CYP4F11: variants seen among roughly 807,000 people sequenced by gnomAD.
CYP4F11 encodes cytochrome P450 family 4 subfamily F member 11.
In CYP4F11, 79 loss-of-function variants were observed where a neutral mutation model predicts 62.2. The observed-to-expected ratio is 1.27, with a 90% CI of 1.06 to 1.53. The LOEUF is 1.53. CYP4F11 is among the 40% of genes most tolerant of loss of function. The pLI is 0.00. For synonymous variants in CYP4F11, 290 were observed against 263.7 expected, an observed-to-expected ratio of 1.10 and a Z score of -0.97; for missense variants, 777 against 680.5, an observed-to-expected ratio of 1.14 and a Z score of -1.58.
At chr19:15,934,021 T>TGAGC (rs2089754090) in intron 1 of CYP4F11, among the ~76,000 whole-genome samples, 190 bp downstream of exon 1, 1 of 28,276 alleles carries the variant, frequency 3.5e-5, no homozygotes, top group African/African-American at 1.2e-4. Flanking sequence ...AATGAGTGAG[T>TGAGC]GGGCAGAGGA....
intron 1 of CYP4F11, among the ~76,000 whole-genome samples, chr19:15,931,540 G>A (rs1297038058): frequency 1.9e-5 from 2 of 107,476 alleles, no homozygotes; most frequent in Admixed American, 1.8e-4. Flanking sequence ...GAATGAGTGA[G>A]CGGGGAGAGG....
At chr19:15,921,988 A>G (rs1415750499) in intron 8 of CYP4F11, 49 bp downstream of exon 8, 5 of 1,519,062 alleles carry the variant, frequency 3.3e-6, no homozygotes, top group Non-Finnish European at 4.4e-6. Context: ...CCACCTGAGG[A>G]GCAGAACCAA....
intron 11 of CYP4F11, 109 bp from the exon 12 acceptor site, chr19:15,914,018 G>A: frequency 8.1e-6 from 11 of 1,349,804 alleles, no homozygotes; most frequent in Non-Finnish European, 1.1e-5. Context: ...GGCTTGAGGG[G>A]CAGAAAGAGG....
intron 6 of CYP4F11, 43 bp downstream of exon 6, chr19:15,923,769 A>G: frequency 6.3e-7 from 1 of 1,582,826 alleles, no homozygotes; most frequent in East Asian, 2.2e-5. Context: ...AGAGGCATAA[A>G]TCTCCACTCT....
Position 15,929,597 on chromosome 19 carries a change from G to A in CYP4F11, c.203C>T (p.Thr68Ile), listed in dbSNP as rs2145055922. ...NWFWGHQGLVTPTEEGMKTLT... is the reference protein window; with the variant it reads ...NWFWGHQGLVIPTEEGMKTLT... ...TGTCTTCATGCCCTCTTCCGTGGGA[G>A]TGACCTGAAAACAAGGCAGAGGCCG... The change falls in exon 2 of 12, where the codon ACT becomes ATT. Residue 68 changes from threonine (T) to isoleucine (I), a missense_variant. Thr to Ile is a moderately conservative substitution (Grantham distance 89). Transcript: ENST00000402119. 10 of 1,596,732 alleles carry A rather than the reference G, an allele frequency of 6.3e-6. No homozygotes were observed. The East Asian group carries it at 1.6e-4, about 25-fold the overall frequency.
chr19:15,924,349 A>T (rs545804090), intron 5 of CYP4F11, among the ~76,000 whole-genome samples: 1 of 152,226 alleles, frequency 6.6e-6, no homozygotes, highest in African/African-American at 2.4e-5. Context: ...AAAACTGTTC[A>T]CAAAACTCAG....
intron 4 of CYP4F11, among the ~76,000 whole-genome samples, chr19:15,925,777 C>T (rs908206726): frequency 6.2e-5 from 9 of 144,990 alleles, no homozygotes; most frequent in African/African-American, 1.8e-4. Flanking sequence ...TTGTTTGGGC[C>T]GTTTCTCAGA....
At chr19:15,929,944 T>G (rs1568256401) in intron 1 of CYP4F11, among the ~76,000 whole-genome samples, 1 of 152,198 alleles carries the variant, frequency 6.6e-6, no homozygotes, top group Non-Finnish European at 1.5e-5. Flanking sequence ...GGACTCAGAC[T>G]GAATTTACAA....
chr19:15,913,861 C>T lies in CYP4F11; in HGVS notation c.1446G>A (p.Leu482=), dbSNP rs1316117602. 3 of 1,614,112 alleles carry T rather than the reference C, an allele frequency of 1.9e-6. No individual in the cohort carries two copies. Among genetic ancestry groups the T allele is most frequent in the East Asian group, 2.2e-5 (1 of 44,870 alleles). The change falls in exon 12 of 12, where the codon CTG becomes CTA. Residue 482 remains leucine (L), a synonymous_variant. Transcript: ENST00000402119. ...AFAMAEMKVV[L]ALTLLHFRIL... ...TGCGGAAGTGCAGCAGGGTGAGCGC[C>T]AGGACCACCTTCATCTCAGCCATGG...
At chr19:15,922,000 G>T (rs747408776) in intron 8 of CYP4F11, 37 bp downstream of exon 8, 9 of 1,533,384 alleles carry the variant, frequency 5.9e-6, no homozygotes, top group South Asian at 1.3e-5. Flanking sequence ...CAGAACCAAT[G>T]ACAAAAGATC....
At position 15,912,697 on chromosome 19, in the gene CYP4F11, A is replaced by ATGTGTGTGTG. The variant is rs1157362352; in HGVS notation, c.*1025_*1034dup. ...AAAAAAAAAATATATATATATATAT[A>ATGTGTGTGTG]TGTGTGTGTGTGTGTGTGTGTGTGT... On this transcript the variant is annotated 3_prime_UTR_variant, in exon 12 of 12. Transcript: ENST00000402119. 7.4e-4 allele frequency: 54 copies of ATGTGTGTGTG among 72,698 alleles called. No individual in the cohort carries two copies. The Admixed American group carries it at 8.1e-3, about 11-fold the overall frequency. 4.5% of individuals were successfully genotyped at this position (72,698 alleles called of 1,614,324 possible).
intron 4 of CYP4F11, among the ~76,000 whole-genome samples, chr19:15,926,706 T>C (rs1325645064): frequency 6.6e-6 from 1 of 152,196 alleles, no homozygotes; most frequent in Non-Finnish European, 1.5e-5. Context: ...GTGTCACAGC[T>C]GAGGCCATCC....
Position 15,922,123 on chromosome 19 carries a change from G to C in CYP4F11, c.1029C>G (p.His343Gln). The change falls in exon 8 of 12, where the codon CAC (histidine) becomes CAG (glutamine). Residue 343 changes from histidine to glutamine, a missense_variant. His to Gln is a conservative substitution (Grantham distance 24, BLOSUM62 0). Transcript: ENST00000402119. ...TASGLSWVLY[H>Q]LAKHPEYQEQ... ...CCTGGTATTCTGGGTGCTTTGCAAG[G>C]TGGTATAGGACCCAGGAGAGACCAC... is the stretch of plus-strand genomic sequence containing the variant. 2 of 1,614,052 alleles carry C rather than the reference G, an allele frequency of 1.2e-6. No individual in the cohort carries two copies. Among genetic ancestry groups the C allele is most frequent in the Non-Finnish European group, 1.7e-6 (2 of 1,179,978 alleles).
Position 15,914,864 on chromosome 19 carries a change from T to G in CYP4F11, c.1147A>C (p.Met383Leu), listed in dbSNP as rs768723718. 4 of 1,613,946 alleles carry G rather than the reference T, an allele frequency of 2.5e-6. No homozygotes were observed. Among genetic ancestry groups the G allele is most frequent in the Non-Finnish European group, 3.4e-6 (4 of 1,180,012 alleles). ...DDLAQLPFLT[M>L]CIKESLRLHP... Reference sequence around the variant, plus strand: ...AACCGCAGGCTCTCCTTAATGCACATGGTCAGGAAGGGCAGCTGGGCCAGG... The same window carrying G: ...AACCGCAGGCTCTCCTTAATGCACAGGGTCAGGAAGGGCAGCTGGGCCAGG... The change falls in exon 9 of 12, where the codon ATG becomes CTG. Residue 383 changes from methionine (M) to leucine (L), a missense_variant. Transcript: ENST00000402119.
At position 15,912,707 on chromosome 19, in the gene CYP4F11, GT is replaced by G. The variant is rs2089542536; in HGVS notation, c.*1024del. The stretch of plus-strand genomic sequence containing the variant: ...TATATATATATATATATGTGTGTGT[GT>G]GTGTGTGTGTGTGTGTGTGTGTGTG... On this transcript the variant is annotated 3_prime_UTR_variant, in exon 12 of 12. Transcript: ENST00000402119. 2 of 59,054 alleles carry G rather than the reference GT, an allele frequency of 3.4e-5. No individual in the cohort carries two copies. The highest frequency in any genetic ancestry group is 7.1e-5 in the African/African-American group (1 of 14,006). 3.7% of individuals were successfully genotyped at this position (59,054 alleles called of 1,614,324 possible).
chr19:15,927,274 A>C lies in CYP4F11; in HGVS notation c.463T>G (p.Phe155Val). ...SRHRRMLTPA[F>V]HFNILKPYMK... ...TAAGGCTTCAAGATGTTGAAATGGA[A>C]GGCAGGCGTCAACATCCGACGGTGG... is the stretch of plus-strand genomic sequence containing the variant. The change falls in exon 4 of 12, where the codon TTC becomes GTC. Residue 155 changes from phenylalanine to valine, a missense_variant. Transcript: ENST00000402119. The C allele has an allele frequency of 3.7e-6, 6 of 1,614,174 alleles. No homozygotes were observed. The highest frequency in any genetic ancestry group is 5.1e-6 in the Non-Finnish European group (6 of 1,180,040).
rs1165743315 is a variant in CYP4F11, at chr19:15,913,444, C to G, written c.*288G>C. On this transcript the variant is annotated 3_prime_UTR_variant, in exon 12 of 12. Coordinates refer to ENST00000402119, the MANE Select transcript of CYP4F11 (RefSeq NM_021187.4). ...CCTTAAACCCATTCTTAATCCTGTT[C>G]CCTCTCCTGCTCAAACACCTCCCAG... The G allele has an allele frequency of 2.3e-6, 1 of 442,848 alleles. No homozygotes were observed. 27.4% of individuals were successfully genotyped at this position (442,848 alleles called of 1,614,324 possible).
intron 1 of CYP4F11, among the ~76,000 whole-genome samples, chr19:15,931,534 G>C (rs537393982): frequency 0.033 from 3,397 of 103,202 alleles, 114 homozygotes; most frequent in Admixed American, 0.051. Context: ...TCAGAGGAAT[G>C]AGTGAGCGGG....
At position 15,929,447 on chromosome 19, in the gene CYP4F11, G is replaced by T; in HGVS notation, c.343+10C>A. 2 of 1,614,064 alleles carry T rather than the reference G, an allele frequency of 1.2e-6. No homozygotes were observed. The highest frequency in any genetic ancestry group is 1.7e-6 in the Non-Finnish European group (2 of 1,180,016). ...CCCAGCCCCCACTACCACAAGCTCT[G>T]CACGGGTACCTGAGGCACTGGTGAT... On this transcript the variant is annotated intron_variant, in intron 2 of 11. Transcript: ENST00000402119.
Sources: gnomAD v4.1 joint callset for allele counts (sites outside exome capture counted in the v4.1 genomes callset) on GRCh38, gnomAD v4.1.1 for gene constraint, MANE v1.5 for transcripts, NCBI Gene and HGNC (gene_info 2026-07-23, HGNC 2026-07-21) for gene names.